Variants in CFAP53 observed in about 807,000 individuals in gnomAD.
CFAP53 encodes the protein cilia- and flagella-associated protein 53.
Under a neutral mutation model 59.7 loss-of-function variants are expected in CFAP53, and 62 were observed. That is an observed-to-expected ratio of 1.04 (90% confidence interval 0.85 to 1.28). CFAP53 has a LOEUF of 1.28. Ranked by LOEUF, CFAP53 falls within the 50% of genes most tolerant of loss-of-function variation. The pLI is 0.00. For missense variants in CFAP53, 629 were observed against 615.6 expected (o/e 1.02, Z -0.23); for synonymous variants, 218 against 205.7 (o/e 1.06, Z -0.51).
rs1439689738 is a variant in CFAP53, at chr18:50,249,219, A to G, written c.996+1539T>C. On this transcript the variant is annotated intron_variant, in intron 5 of 7. Transcript: ENST00000398545. ...ATTCTATCTCAAAAAAAAAAAAAAA[A>G]AAAAGAATAAAAAGAAGGCTGGGTG... 3.1e-4 allele frequency among the ~76,000 whole-genome samples: 46 copies of G among 150,768 alleles called. 1 individual carries two copies. The East Asian group carries it at 8.3e-3, about 27-fold the overall frequency.
At chr18:50,250,219 C>CAA (rs58912526) in intron 5 of CFAP53, among the ~76,000 whole-genome samples, 1 of 117,626 alleles carries the variant, frequency 8.5e-6, no homozygotes, top group African/African-American at 3.2e-5. Flanking sequence ...ACCCCTGTCT[C>CAA]AAAAAAAAAA....
intron 3 of CFAP53, 113 bp from the exon 4 acceptor site, chr18:50,251,897 G>T: frequency 1.1e-6 from 1 of 915,280 alleles, no homozygotes; most frequent in Non-Finnish European, 1.7e-6. Flanking sequence ...AGACCTGGAT[G>T]CAGGCCATCG....
intron 6 of CFAP53, 44 bp downstream of exon 6, chr18:50,242,856 G>C (rs1198964542): frequency 1.3e-6 from 2 of 1,508,156 alleles, no homozygotes; most frequent in Non-Finnish European, 1.8e-6. Flanking sequence ...TACTTAAATT[G>C]AATTAAGGGC....
At chr18:50,230,969 G>C (rs1477384006) in intron 7 of CFAP53, among the ~76,000 whole-genome samples, 1 of 152,182 alleles carries the variant, frequency 6.6e-6, no homozygotes, top group Admixed American at 6.5e-5. Flanking sequence ...AATCAGGCTG[G>C]CGGAACCAGG....
At chr18:50,230,099 A>C (rs2033565591) in intron 7 of CFAP53, among the ~76,000 whole-genome samples, 9 of 152,140 alleles carry the variant, frequency 5.9e-5, no homozygotes, top group Admixed American at 5.9e-4. Context: ...CCACATTTTT[A>C]ATATCAGCTG....
rs148659886 is a variant in CFAP53, at chr18:50,250,423, T to C, written c.996+335A>G. On this transcript the variant is annotated intron_variant, in intron 5 of 7. Transcript: ENST00000398545. The stretch of plus-strand genomic sequence containing the variant: ...CTTCTCTTTTTGCCTGACAAAACTT[T>C]ACATATCCTTTAAGGTCCAACTCAA... Among the ~76,000 whole-genome samples the C allele has an allele frequency of 3.3e-5, 5 of 152,318 alleles. No homozygotes were observed. The East Asian group carries it at 9.6e-4, about 29-fold the overall frequency.
At chr18:50,230,765 T>C (rs924191533) in intron 7 of CFAP53, among the ~76,000 whole-genome samples, 3 of 152,166 alleles carry the variant, frequency 2.0e-5, no homozygotes, top group African/African-American at 7.2e-5. Flanking sequence ...GGACACCCAG[T>C]TGGGGTCTGG....
chr18:50,237,913 C>T (rs2033653620), intron 7 of CFAP53, among the ~76,000 whole-genome samples: 1 of 138,614 alleles, frequency 7.2e-6, no homozygotes, highest in African/African-American at 2.8e-5. Flanking sequence ...AGCCATTCTG[C>T]TAATCTAGCT....
chr18:50,263,003 C>T (rs1044428820), intron 1 of CFAP53, among the ~76,000 whole-genome samples: 1 of 152,178 alleles, frequency 6.6e-6, no homozygotes, highest in Non-Finnish European at 1.5e-5. Flanking sequence ...GTTAGAAATG[C>T]ATGTACCATT....
chr18:50,227,574 A>G lies in CFAP53; in HGVS notation c.1352T>C (p.Leu451Pro). Reference protein sequence around the residue: ...QRLAQEYRKQLQMQIAYQQQS... With the variant: ...QRLAQEYRKQPQMQIAYQQQS... ...CTGCTGGTAGGCGATTTGCATCTGA[A>G]GTTGCTTCCTGTACTCCTGGGCTAA... The change falls in exon 8 of 8, where the codon CTT becomes CCT. Residue 451 changes from leucine to proline, a missense_variant. By Grantham distance (98) the Leu-to-Pro change is moderately conservative. Coordinates refer to ENST00000398545, the MANE Select transcript of CFAP53 (RefSeq NM_145020.5). The G allele has an allele frequency of 1.2e-6, 2 of 1,614,182 alleles. No homozygotes were observed. The highest frequency in any genetic ancestry group is 1.7e-6 in the Non-Finnish European group (2 of 1,180,030).
At position 50,262,192 on chromosome 18, in the gene CFAP53, C is replaced by A. The variant is rs2033900490; in HGVS notation, c.97G>T (p.Ala33Ser). Residue 33 changes from alanine (A) to serine (S), a missense_variant, in exon 2 of 8, where the codon GCT becomes TCT. Ala to Ser is a moderately conservative substitution (Grantham distance 99, BLOSUM62 1). Transcript: ENST00000398545. Reference sequence around the variant, plus strand: ...CGGATTCTTTCTAGATGGTGCTCAGCTCCTTGGCCTTTAGGAGGCTTGGAT... The same window carrying A: ...CGGATTCTTTCTAGATGGTGCTCAGATCCTTGGCCTTTAGGAGGCTTGGAT... ...VRSKPPKGQG[A>S]EHHLERIRRS... The A allele has an allele frequency of 2.5e-6, 4 of 1,614,132 alleles. No homozygotes were observed. The highest frequency in any genetic ancestry group is 3.4e-6 in the Non-Finnish European group (4 of 1,179,968).
chr18:50,260,533 C>A (rs1212865056), intron 3 of CFAP53, among the ~76,000 whole-genome samples: 1 of 152,110 alleles, frequency 6.6e-6, no homozygotes, highest in South Asian at 2.1e-4. Context: ...GGCACAGTGG[C>A]GCGTGCCTAT....
chr18:50,252,389 C>T (rs1293350526), intron 3 of CFAP53, among the ~76,000 whole-genome samples: 4 of 152,054 alleles, frequency 2.6e-5, no homozygotes, highest in African/African-American at 9.7e-5. Context: ...GAGGCGTGAG[C>T]CACCGTACCC....
rs989410055 is a variant in CFAP53, at chr18:50,261,213, T to G, written c.324A>C (p.Glu108Asp). ...RNKLRELLALEENEYFTEMQL... is the reference protein window; with the variant it reads ...RNKLRELLALDENEYFTEMQL... ...GCATTTCTGTAAAATACTCATTTTCTTCTAATGCTAAAAGCTCACGTAGCC... is the reference window on the plus strand; with the variant it reads ...GCATTTCTGTAAAATACTCATTTTCGTCTAATGCTAAAAGCTCACGTAGCC... The change falls in exon 3 of 8, where the codon GAA becomes GAC. Residue 108 changes from glutamate to aspartate, a missense_variant. Coordinates refer to ENST00000398545, the MANE Select transcript of CFAP53 (RefSeq NM_145020.5). 2 of 1,562,022 alleles carry G rather than the reference T, an allele frequency of 1.3e-6. No individual in the cohort carries two copies. The highest frequency in any genetic ancestry group is 1.7e-6 in the Non-Finnish European group (2 of 1,165,548).
chr18:50,243,658 G>C (rs1319089463), intron 5 of CFAP53, among the ~76,000 whole-genome samples: 1 of 152,122 alleles, frequency 6.6e-6, no homozygotes, highest in Non-Finnish European at 1.5e-5. Flanking sequence ...GCTTTACAAA[G>C]TATTGACATC....
At chr18:50,238,782 C>A (rs1793217699) in intron 6 of CFAP53, 77 bp from the exon 7 acceptor site, 2 of 1,031,616 alleles carry the variant, frequency 1.9e-6, no homozygotes, top group Admixed American at 2.1e-5. Flanking sequence ...GCACCAGAGT[C>A]ATATTGTCTT....
intron 7 of CFAP53, among the ~76,000 whole-genome samples, chr18:50,235,439 C>A (rs929780791): frequency 2.0e-5 from 3 of 151,988 alleles, no homozygotes; most frequent in South Asian, 2.1e-4. Context: ...TGGTGGCATG[C>A]GCCTGTAACC....
chr18:50,237,407 T>C (rs867122172), intron 7 of CFAP53, among the ~76,000 whole-genome samples: 54 of 131,144 alleles, frequency 4.1e-4, no homozygotes, highest in African/African-American at 1.1e-3. Context: ...CACACACATA[T>C]ATATATATAT....
intron 7 of CFAP53, among the ~76,000 whole-genome samples, chr18:50,234,356 G>A (rs532126100): frequency 6.4e-4 from 97 of 152,190 alleles, no homozygotes; most frequent in Non-Finnish European, 8.4e-4. Flanking sequence ...TTGATTTTCC[G>A]TTATCTCATT....
Sources: allele counts gnomAD v4.1 joint callset (sites outside exome capture counted in the v4.1 genomes callset), GRCh38; gene constraint gnomAD v4.1.1; transcripts MANE v1.5; gene names NCBI Gene and HGNC (gene_info 2026-07-23, HGNC 2026-07-21).